CNTNAP2: variants seen among roughly 807,000 people sequenced by gnomAD.
CNTNAP2 encodes contactin associated protein 2, also known as contactin-associated protein-like 2.
CNTNAP2 carries 98 observed loss-of-function variants against 155.2 expected under a neutral mutation model. That is an observed-to-expected ratio of 0.63 (90% CI 0.54 to 0.75). The LOEUF is 0.75. Ranked by LOEUF, CNTNAP2 falls within the 30% of genes least tolerant of loss-of-function variation. The probability of loss-of-function intolerance (pLI) is 0.00; values close to 1 mark genes in which losing one functional copy is unlikely to be tolerated. For synonymous variants in CNTNAP2, 651 were observed against 631.2 expected, an observed-to-expected ratio of 1.03 and a Z score of -0.47; for missense variants, 1,727 against 1,688.1, an observed-to-expected ratio of 1.02 and a Z score of -0.40.
intron 3 of CNTNAP2, among the ~76,000 whole-genome samples, chr7:147,031,272 A>G (rs1487654365): frequency 1.3e-5 from 2 of 152,204 alleles, no homozygotes; most frequent in Non-Finnish European, 2.9e-5. Context: ...ATATTTGAGT[A>G]AAATTTAAAA....
At chr7:146,867,147 C>A (rs137917976) in intron 3 of CNTNAP2, among the ~76,000 whole-genome samples, 3,406 of 152,054 alleles carry the variant, frequency 0.022, 53 homozygotes, top group Non-Finnish European at 0.032. Context: ...CAATAGTTAT[C>A]TTTTCTATTC....
intron 1 of CNTNAP2, among the ~76,000 whole-genome samples, chr7:146,216,117 G>T (rs1799108782): frequency 6.6e-6 from 1 of 152,174 alleles, no homozygotes; most frequent in Non-Finnish European, 1.5e-5. Context: ...TTTTGATGAG[G>T]ACTGCTCCAT....
chr7:147,341,197 C>A (rs1438267007), intron 9 of CNTNAP2, among the ~76,000 whole-genome samples: 2 of 151,722 alleles, frequency 1.3e-5, no homozygotes, highest in African/African-American at 2.4e-5. Context: ...AACAGAAAAC[C>A]AAACACTGCA....
chr7:148,209,895 C>T (rs1795513934), intron 18 of CNTNAP2, among the ~76,000 whole-genome samples: 1 of 152,170 alleles, frequency 6.6e-6, no homozygotes, highest in Non-Finnish European at 1.5e-5. Context: ...CGTTCATCCT[C>T]GACATTCTCT....
intron 18 of CNTNAP2, among the ~76,000 whole-genome samples, chr7:148,209,375 C>T (rs1408777361): frequency 6.6e-6 from 1 of 151,542 alleles, no homozygotes; most frequent in Non-Finnish European, 1.5e-5. Flanking sequence ...CTCAAGCGAC[C>T]CTCCTGCCTT....
At chr7:146,972,555 A>G (rs1797824435) in intron 3 of CNTNAP2, among the ~76,000 whole-genome samples, 1 of 152,198 alleles carries the variant, frequency 6.6e-6, no homozygotes, top group South Asian at 2.1e-4. Flanking sequence ...TATAATTTAA[A>G]ATAAACAATA....
At chr7:146,624,479 T>TA (rs1554458099) in intron 1 of CNTNAP2, among the ~76,000 whole-genome samples, 14 of 151,970 alleles carry the variant, frequency 9.2e-5, no homozygotes, top group Admixed American at 1.3e-4. Context: ...TTACTTTTTT[T>TA]ATCAACATTT....
intron 21 of CNTNAP2, among the ~76,000 whole-genome samples, chr7:148,269,196 G>A (rs563857449): frequency 6.6e-6 from 1 of 152,150 alleles, no homozygotes; most frequent in Non-Finnish European, 1.5e-5. Context: ...ATAAATCAAA[G>A]GGTGGAACTG....
chr7:146,639,267 A>G (rs1054324925), intron 1 of CNTNAP2, among the ~76,000 whole-genome samples: 3 of 152,176 alleles, frequency 2.0e-5, no homozygotes, highest in African/African-American at 7.2e-5. Context: ...AGTTCTGTTC[A>G]CTACTTTAAA....
chr7:147,389,099 T>C (rs1796668444), intron 9 of CNTNAP2, among the ~76,000 whole-genome samples: 1 of 152,208 alleles, frequency 6.6e-6, no homozygotes. Context: ...CTAGTTTTTA[T>C]GAGGCTGTTT....
At chr7:148,360,413 A>G (rs1168802625) in intron 21 of CNTNAP2, among the ~76,000 whole-genome samples, 9 of 152,234 alleles carry the variant, frequency 5.9e-5, no homozygotes, top group Admixed American at 5.9e-4. Context: ...GTTTTGAAAC[A>G]CAGCCCTCAC....
chr7:146,700,372 T>C (rs1032292093), intron 1 of CNTNAP2, among the ~76,000 whole-genome samples: 1 of 152,140 alleles, frequency 6.6e-6, no homozygotes. Flanking sequence ...AGCATTTTTC[T>C]TATTGTGAGG....
At chr7:146,798,212 A>G (rs1469794739) in intron 2 of CNTNAP2, among the ~76,000 whole-genome samples, 1 of 151,760 alleles carries the variant, frequency 6.6e-6, no homozygotes, top group Non-Finnish European at 1.5e-5. Context: ...GGGGAGGCAG[A>G]GGCTGCAGTG....
At chr7:147,959,300 G>A (rs1354975593) in intron 14 of CNTNAP2, among the ~76,000 whole-genome samples, 1 of 151,828 alleles carries the variant, frequency 6.6e-6, no homozygotes, top group East Asian at 2.0e-4. Context: ...TCCTGCTTGG[G>A]TGTCTCTGGC....
At chr7:146,457,760 C>T (rs930299479) in intron 1 of CNTNAP2, among the ~76,000 whole-genome samples, 31 of 151,528 alleles carry the variant, frequency 2.0e-4, no homozygotes, top group Non-Finnish European at 3.8e-4. Context: ...ACCTGGGTCT[C>T]CCAAAGTGCT....
chr7:148,112,066 A>G (rs2116599020), intron 15 of CNTNAP2, among the ~76,000 whole-genome samples: 1 of 152,322 alleles, frequency 6.6e-6, no homozygotes. Context: ...GGAACAGAGG[A>G]AAGAGAGCCA....
chr7:147,183,421 TCTCAGA>T (rs1299228766), intron 8 of CNTNAP2, among the ~76,000 whole-genome samples: 1 of 152,128 alleles, frequency 6.6e-6, no homozygotes, highest in East Asian at 1.9e-4. Context: ...ATACAGCAAA[TCTCAGA>T]CTTGGAGGAG....
At chr7:146,958,007 A>G (rs909510296) in intron 3 of CNTNAP2, among the ~76,000 whole-genome samples, 1 of 152,204 alleles carries the variant, frequency 6.6e-6, no homozygotes, top group Admixed American at 6.5e-5. Context: ...ATTAGAATCT[A>G]GCCAGAATAT....
chr7:147,162,954 A>G (rs1378552180), intron 8 of CNTNAP2, among the ~76,000 whole-genome samples: 1 of 152,024 alleles, frequency 6.6e-6, no homozygotes, highest in Non-Finnish European at 1.5e-5. Context: ...TGTGCACTTC[A>G]TCCTGGACCA....
Sources: allele counts gnomAD v4.1 joint callset (sites outside exome capture counted in the v4.1 genomes callset), GRCh38; gene constraint gnomAD v4.1.1; transcripts MANE v1.5; gene names NCBI Gene and HGNC (gene_info 2026-07-23, HGNC 2026-07-21).